LRRCC1: variants seen among roughly 807,000 people sequenced by gnomAD.
The protein encoded by LRRCC1 is leucine rich repeat and coiled-coil centrosomal protein 1.
Under a neutral mutation model 126.0 loss-of-function variants are expected in LRRCC1, and 115 were observed. The ratio of observed to expected loss-of-function variants is 0.91; its 90% CI spans 0.78 to 1.07. LRRCC1 has a LOEUF of 1.07. Among genes scored for constraint, LRRCC1 ranks in the 50% least tolerant of loss-of-function variants. The pLI is 0.00. For synonymous variants in LRRCC1, 400 were observed against 393.4 expected (o/e 1.02, Z -0.20); for missense variants, 1,172 against 1,175.7 (o/e 1.00, Z 0.05).
intron 6 of LRRCC1, among the ~76,000 whole-genome samples, chr8:85,119,379 C>T (rs967591470): frequency 1.1e-4 from 17 of 152,018 alleles, no homozygotes; most frequent in African/African-American, 1.7e-4. Context: ...ATGATCTTTT[C>T]AGAGAATAGA....
intron 8 of LRRCC1, among the ~76,000 whole-genome samples, chr8:85,125,667 C>T (rs1262593612): frequency 1.7e-4 from 2 of 12,004 alleles, no homozygotes; most frequent in Non-Finnish European, 3.6e-4. Context: ...AGCGAGACTC[C>T]GTCAAAAAAA....
chr8:85,115,512 T>G lies in LRRCC1; in HGVS notation c.858T>G (p.Asn286Lys), dbSNP rs1809049034. Residue 286 changes from asparagine (N) to lysine (K), a missense_variant, in exon 6 of 19, where the codon AAT (asparagine) becomes AAG (lysine). Coordinates refer to ENST00000360375, the MANE Select transcript of LRRCC1 (RefSeq NM_033402.5). ...VCQSSEPEKN[N>K]HENDLQNEIK... ...AATCTTCTGAGCCAGAGAAAAATAA[T>G]CATGAAAACGATTTGCAGAATGAGA... The G allele has an allele frequency of 6.2e-7, 1 of 1,613,712 alleles. No homozygotes were observed. Among genetic ancestry groups the G allele is most frequent in the South Asian group, 1.1e-5 (1 of 91,068 alleles).
chr8:85,124,971 A>G, intron 8 of LRRCC1, 32 bp downstream of exon 8: 1 of 1,500,062 alleles, frequency 6.7e-7, no homozygotes, highest in Non-Finnish European at 9.0e-7. Context: ...AAAAATGAGT[A>G]TGAATAATTT....
In LRRCC1 at chr8:85,113,450, A is replaced by T. The variant is rs536051406; in HGVS notation, c.544+351A>T. ...TAATGGACAATTATGTCCAAGATAC[A>T]TTAAGAGGAAGAAAAGCAGGTTGCA... On this transcript the variant is annotated intron_variant, in intron 4 of 18. Coordinates refer to ENST00000360375, the MANE Select transcript of LRRCC1 (RefSeq NM_033402.5). Among the ~76,000 whole-genome samples the T allele has an allele frequency of 2.1e-3, 316 of 152,210 alleles. 1 individual carries two copies. The highest frequency in any genetic ancestry group is 7.2e-3 in the African/African-American group (301 of 41,562).
chr8:85,110,099 T>C lies in LRRCC1; in HGVS notation c.311-16T>C. On this transcript the variant is annotated splice_polypyrimidine_tract_variant and intron_variant, in intron 2 of 18. Coordinates refer to ENST00000360375, the MANE Select transcript of LRRCC1 (RefSeq NM_033402.5). ...ATTTTATAAAGGCTTTATTTTATTTTACTTTTTTTTTTTAGGACTTGAAGA... is the reference window on the plus strand; with the variant it reads ...ATTTTATAAAGGCTTTATTTTATTTCACTTTTTTTTTTTAGGACTTGAAGA... 2 of 1,067,254 alleles carry C rather than the reference T, an allele frequency of 1.9e-6. No individual in the cohort carries two copies. The highest frequency in any genetic ancestry group is 1.5e-5 in the South Asian group (1 of 65,032). The allele number at this position is 1,067,254 out of a possible 1,614,324, so 66.1% of individuals were successfully genotyped here.
At chr8:85,126,647 G>T in intron 8 of LRRCC1, 42 bp from the exon 9 acceptor site, 1 of 1,569,492 alleles carries the variant, frequency 6.4e-7, no homozygotes, top group Non-Finnish European at 8.7e-7. Flanking sequence ...GAGAAGTTAG[G>T]TAACTTTTCT....
In LRRCC1 at chr8:85,135,012, G is replaced by A; in HGVS notation, c.2134G>A (p.Glu712Lys). Residue 712 changes from glutamate (E) to lysine (K), a missense_variant, in exon 13 of 19, where the codon GAA (glutamate) becomes AAA (lysine). Coordinates refer to ENST00000360375, the MANE Select transcript of LRRCC1 (RefSeq NM_033402.5). ...GGCAGAAGTTTCTAAATTGAAACAA[G>A]AAACAGCAGCAAATTTACAGGTAAG... is the stretch of plus-strand genomic sequence containing the variant. Reference protein sequence around the residue: ...KLAEVSKLKQETAANLQNQIN... With the variant: ...KLAEVSKLKQKTAANLQNQIN... 6.5e-7 allele frequency: 1 copy of A among 1,540,248 alleles called. No homozygotes were observed.
chr8:85,123,030 ACT>A (rs1324267911), intron 6 of LRRCC1, among the ~76,000 whole-genome samples: 4 of 151,928 alleles, frequency 2.6e-5, no homozygotes, highest in African/African-American at 4.8e-5. Context: ...TGAGGTTTAG[ACT>A]CTCTGCATGA....
At chr8:85,138,289 T>C (rs775321745) in intron 16 of LRRCC1, 46 bp downstream of exon 16, 15 of 1,580,108 alleles carry the variant, frequency 9.5e-6, no homozygotes, top group Non-Finnish European at 1.1e-5. Flanking sequence ...AAATGTGGCT[T>C]AATAATTTAA....
At position 85,123,425 on chromosome 8, in the gene LRRCC1, A is replaced by G; in HGVS notation, c.943A>G (p.Ile315Val). 6.3e-7 allele frequency: 1 copy of G among 1,590,020 alleles called. No individual in the cohort carries two copies. The highest frequency in any genetic ancestry group is 8.5e-7 in the Non-Finnish European group (1 of 1,173,338). ...LQLLNETSNS[I>V]DNVLEKDPRP... ...TTTTAAATTTTAGACTTCTAATTCA[A>G]TAGATAACGTTCTTGAGAAAGACCC... is the stretch of plus-strand genomic sequence containing the variant. Residue 315 changes from isoleucine (I) to valine (V), a missense_variant, in exon 7 of 19, where the codon ATA becomes GTA. Coordinates refer to ENST00000360375, the MANE Select transcript of LRRCC1 (RefSeq NM_033402.5).
intron 4 of LRRCC1, among the ~76,000 whole-genome samples, chr8:85,114,491 T>C (rs1288768028): frequency 1.3e-5 from 2 of 152,084 alleles, no homozygotes; most frequent in Admixed American, 1.3e-4. Flanking sequence ...TAAAATTACA[T>C]TTACACAGGA....
Position 85,124,884 on chromosome 8 carries a change from C to T in LRRCC1, c.1217C>T (p.Pro406Leu). 1 of 1,607,950 alleles carries T rather than the reference C, an allele frequency of 6.2e-7. No homozygotes were observed. The highest frequency in any genetic ancestry group is 1.7e-5 in the Admixed American group (1 of 59,224). ...CCTATGTTACAAGAATCAGAAAAGCCAAAGACTGAAATAATTAAAGTAGAC... is the reference window on the plus strand; with the variant it reads ...CCTATGTTACAAGAATCAGAAAAGCTAAAGACTGAAATAATTAAAGTAGAC... ...NCPMLQESEK[P>L]KTEIIKVDQS... is the part of the protein sequence containing the mutation. Residue 406 changes from proline (P) to leucine (L), a missense_variant, in exon 8 of 19, where the codon CCA becomes CTA. Coordinates refer to ENST00000360375, the MANE Select transcript of LRRCC1 (RefSeq NM_033402.5).
chr8:85,109,325 A>G, intron 1 of LRRCC1: 1 of 429,302 alleles, frequency 2.3e-6, no homozygotes, highest in Non-Finnish European at 4.1e-6. Flanking sequence ...CCTTCAATAT[A>G]TGCTGATGAC....
At chr8:85,111,652 A>C (rs751414938) in intron 3 of LRRCC1, among the ~76,000 whole-genome samples, 3 of 152,104 alleles carry the variant, frequency 2.0e-5, no homozygotes, top group Non-Finnish European at 2.9e-5. Flanking sequence ...TTGAACAGAC[A>C]CTTCACCAAG....
At chr8:85,113,623 A>G (rs1808891197) in intron 4 of LRRCC1, among the ~76,000 whole-genome samples, 1 of 152,104 alleles carries the variant, frequency 6.6e-6, no homozygotes, top group Non-Finnish European at 1.5e-5. Context: ...CACTTTAAAA[A>G]AATGTATAAT....
At chr8:85,112,318 A>G (rs1808793091) in intron 3 of LRRCC1, among the ~76,000 whole-genome samples, 1 of 152,304 alleles carries the variant, frequency 6.6e-6, no homozygotes. Context: ...ATAGCTTTTT[A>G]TATGATTTTT....
chr8:85,122,487 C>A (rs1322096514), intron 6 of LRRCC1, among the ~76,000 whole-genome samples: 2 of 152,162 alleles, frequency 1.3e-5, no homozygotes, highest in African/African-American at 4.8e-5. Context: ...GCTTCATGTA[C>A]TCTTTCTTTA....
chr8:85,141,822 T>A (rs1446851479), intron 18 of LRRCC1, among the ~76,000 whole-genome samples: 3 of 152,176 alleles, frequency 2.0e-5, no homozygotes, highest in African/African-American at 7.2e-5. Context: ...TGGTTACACA[T>A]AGGCAGGGTG....
rs780231647 is a variant in LRRCC1, at chr8:85,145,486, TA to T, written c.3077del (p.Asn1026MetfsTer16). ...EAKIKQLAFA[L>X]NEIQQDM ...AAAATTAAGCAACTTGCTTTTGCTT[TA>T]AATGAAATTCAGCAAGATATGTGAT... On this transcript the variant is annotated frameshift_variant, in exon 19 of 19. Coordinates refer to ENST00000360375, the MANE Select transcript of LRRCC1 (RefSeq NM_033402.5). LOFTEE classifies it high-confidence loss of function. 1.9e-6 allele frequency: 3 copies of T among 1,587,310 alleles called. No individual in the cohort carries two copies. Among genetic ancestry groups the T allele is most frequent in the Non-Finnish European group, 2.6e-6 (3 of 1,171,534 alleles).
Sources: gnomAD v4.1 joint callset for allele counts (sites outside exome capture counted in the v4.1 genomes callset) on GRCh38, gnomAD v4.1.1 for gene constraint, MANE v1.5 for transcripts, NCBI Gene and HGNC (gene_info 2026-07-23, HGNC 2026-07-21) for gene names.